The following RBFOX1 variants were observed in gnomAD, a reference collection of about 807,000 sequenced individuals.
RBFOX1 encodes RNA binding protein fox-1 homolog 1.
Under a neutral mutation model 57.7 loss-of-function variants are expected in RBFOX1, and 8 were observed. That is an observed-to-expected ratio of 0.14 (90% CI 0.08 to 0.25). RBFOX1 has a LOEUF of 0.25. RBFOX1 is among the 10% of genes least tolerant of loss of function. The probability of loss-of-function intolerance (pLI) is 1.00; values close to 1 mark genes in which losing one functional copy is unlikely to be tolerated. For synonymous variants in RBFOX1, 326 were observed against 222.4 expected, an observed-to-expected ratio of 1.47 and a Z score of -4.15; for missense variants, 611 against 548.5, an observed-to-expected ratio of 1.11 and a Z score of -1.14.
chr16:5,742,784 TA>T (rs2052822797), intron 3 of RBFOX1, among the ~76,000 whole-genome samples: 1 of 152,198 alleles, frequency 6.6e-6, no homozygotes, highest in Admixed American at 6.5e-5. Flanking sequence ...TTCAAATTAG[TA>T]TTAGTCCAGA....
chr16:7,607,490 C>A, intron 10 of RBFOX1, 152 bp downstream of exon 10: 1 of 749,116 alleles, frequency 1.3e-6, no homozygotes, highest in Non-Finnish European at 2.2e-6. Context: ...ATCAAGAGTG[C>A]TTAAAACAGT....
intron 3 of RBFOX1, among the ~76,000 whole-genome samples, chr16:6,686,947 T>C (rs2059521775): frequency 6.6e-6 from 1 of 152,194 alleles, no homozygotes; most frequent in African/African-American, 2.4e-5. Context: ...TAGATTCTGC[T>C]CGTAATGATA....
chr16:5,766,967 C>G (rs1486372913), intron 3 of RBFOX1, among the ~76,000 whole-genome samples: 1 of 152,154 alleles, frequency 6.6e-6, no homozygotes, highest in Non-Finnish European at 1.5e-5. Flanking sequence ...ACATTTAGTT[C>G]CCATCACCTT....
At chr16:7,667,208 G>T (rs768642159) in intron 13 of RBFOX1, among the ~76,000 whole-genome samples, 1 of 152,154 alleles carries the variant, frequency 6.6e-6, no homozygotes, top group South Asian at 2.1e-4. Context: ...ATTTTGCTTT[G>T]TCTGATGATG....
chr16:7,223,578 A>G (rs1567779194), intron 4 of RBFOX1, among the ~76,000 whole-genome samples: 1 of 152,172 alleles, frequency 6.6e-6, no homozygotes. Flanking sequence ...TGTGCAGGAG[A>G]TCCAACTCAC....
At chr16:5,453,035 CTG>C (rs1359449258) in intron 1 of RBFOX1, among the ~76,000 whole-genome samples, 4 of 152,210 alleles carry the variant, frequency 2.6e-5, no homozygotes, top group African/African-American at 7.2e-5. Context: ...TATTGGGACT[CTG>C]TTTACCTCTC....
intron 4 of RBFOX1, among the ~76,000 whole-genome samples, chr16:5,967,418 C>G (rs1190230435): frequency 6.6e-6 from 1 of 152,204 alleles, no homozygotes; most frequent in East Asian, 1.9e-4. Context: ...CATTTCTTAA[C>G]CCGGTATTGG....
chr16:5,487,291 C>T (rs867395738), intron 2 of RBFOX1, among the ~76,000 whole-genome samples: 3 of 152,192 alleles, frequency 2.0e-5, no homozygotes, highest in Admixed American at 1.3e-4. Context: ...TCTATTGTTT[C>T]TTGAGTTCGT....
intron 2 of RBFOX1, among the ~76,000 whole-genome samples, chr16:6,524,345 A>G (rs551315120): frequency 6.6e-6 from 1 of 152,308 alleles, no homozygotes; most frequent in East Asian, 1.9e-4. Flanking sequence ...ATATGGCTGA[A>G]TAGTACTCCA....
chr16:7,085,263 G>A (rs368861980), intron 4 of RBFOX1, among the ~76,000 whole-genome samples: 153 of 152,178 alleles, frequency 1.0e-3, no homozygotes, highest in African/African-American at 3.6e-3. Context: ...ACTGGAACAT[G>A]TTTGTCACCT....
At chr16:6,635,382 A>G (rs963514378) in intron 2 of RBFOX1, among the ~76,000 whole-genome samples, 3 of 152,270 alleles carry the variant, frequency 2.0e-5, no homozygotes, top group African/African-American at 7.2e-5. Context: ...CATTTCCACC[A>G]TAGCCCATGA....
At chr16:7,343,041 G>C (rs1255209512) in intron 4 of RBFOX1, among the ~76,000 whole-genome samples, 1 of 152,190 alleles carries the variant, frequency 6.6e-6, no homozygotes, top group Admixed American at 6.5e-5. Context: ...GGACTTTGTA[G>C]GGGGAAGAGA....
chr16:5,868,385 A>T (rs1175714487), intron 4 of RBFOX1, among the ~76,000 whole-genome samples: 1 of 152,234 alleles, frequency 6.6e-6, no homozygotes, highest in African/African-American at 2.4e-5. Flanking sequence ...TTGCAACCTC[A>T]GGCATAAATG....
At chr16:7,567,303 CTATATA>C (rs199970979) in intron 5 of RBFOX1, among the ~76,000 whole-genome samples, 57,162 of 110,862 alleles carry the variant, frequency 0.52, 18,117 homozygotes, top group African/African-American at 0.56. Flanking sequence ...ATATATGGCC[CTATATA>C]TATATATATA....
At chr16:7,156,565 ATATG>A (rs1417409726) in intron 4 of RBFOX1, among the ~76,000 whole-genome samples, 1 of 152,126 alleles carries the variant, frequency 6.6e-6, no homozygotes, top group Non-Finnish European at 1.5e-5. Context: ...ATATGTGTAC[ATATG>A]TATGCACATT....
chr16:5,832,486 G>C (rs1029717026), intron 3 of RBFOX1, among the ~76,000 whole-genome samples: 1 of 152,196 alleles, frequency 6.6e-6, no homozygotes, highest in Non-Finnish European at 1.5e-5. Context: ...AATAGTCCCA[G>C]CTCTTGGGGC....
intron 3 of RBFOX1, among the ~76,000 whole-genome samples, chr16:6,856,702 A>C (rs189011969): frequency 6.6e-6 from 1 of 152,256 alleles, no homozygotes; most frequent in Non-Finnish European, 1.5e-5. Context: ...TTTAATAAGT[A>C]AAGTGGTTAT....
At chr16:5,244,999 C>G (rs2062261034) in intron 1 of RBFOX1, among the ~76,000 whole-genome samples, 1 of 152,168 alleles carries the variant, frequency 6.6e-6, no homozygotes, top group Non-Finnish European at 1.5e-5. Context: ...ATGTGTTTCT[C>G]AGTTGGAAAG....
intron 4 of RBFOX1, among the ~76,000 whole-genome samples, chr16:7,281,495 G>A (rs2095542698): frequency 1.3e-5 from 2 of 152,016 alleles, no homozygotes; most frequent in South Asian, 2.1e-4. Flanking sequence ...CAAGTTTGTA[G>A]TGAAAAAGGA....
Sources: allele counts gnomAD v4.1 joint callset (sites outside exome capture counted in the v4.1 genomes callset), GRCh38; gene constraint gnomAD v4.1.1; transcripts MANE v1.5; gene names NCBI Gene and HGNC (gene_info 2026-07-23, HGNC 2026-07-21).